Variants in COL12A1 observed in about 807,000 individuals in gnomAD.
The protein encoded by COL12A1 is collagen alpha-1(XII) chain.
COL12A1 carries 114 observed loss-of-function variants against 349.7 expected under a neutral mutation model. The observed-to-expected ratio is 0.33, with a 90% CI of 0.28 to 0.38. The LOEUF (loss-of-function observed/expected upper bound fraction) is 0.38. Among genes scored for constraint, COL12A1 ranks in the 10% least tolerant of loss-of-function variants. The pLI is 1.00. For synonymous variants in COL12A1, 1,369 were observed against 1,329.0 expected, an observed-to-expected ratio of 1.03 and a Z score of -0.66; for missense variants, 3,284 against 3,756.9, an observed-to-expected ratio of 0.87 and a Z score of 3.29.
In COL12A1 at chr6:75,119,499, G is replaced by A. The variant is rs747303821; in HGVS notation, c.7087-26C>T. ...CTGAAGGAAAATGTGATTTGGCAGT[G>A]AGCATAAGTCATCTCATTTTATGTT... On this transcript the variant is annotated intron_variant, in intron 44 of 65. Transcript: ENST00000322507. The A allele has an allele frequency of 5.7e-6, 9 of 1,588,462 alleles. No individual in the cohort carries two copies. The South Asian group carries it at 1.0e-4, about 18-fold the overall frequency.
chr6:75,124,101 A>G lies in COL12A1; in HGVS notation c.6725-7T>C, dbSNP rs1175781021. The G allele has an allele frequency of 1.2e-6, 2 of 1,611,082 alleles. No individual in the cohort carries two copies. The highest frequency in any genetic ancestry group is 3.3e-5 in the Admixed American group (2 of 59,844). On this transcript the variant is annotated splice_region_variant and splice_polypyrimidine_tract_variant and intron_variant, in intron 41 of 65. Coordinates refer to ENST00000322507, the MANE Select transcript of COL12A1 (RefSeq NM_004370.6). The stretch of plus-strand genomic sequence containing the variant: ...ATTTCTTGTCCCCTTGTTCCTGATT[A>G]TGACAACAAAGGAAAATGCCAGTGT...
At chr6:75,197,727 A>C (rs1033572125) in intron 2 of COL12A1, among the ~76,000 whole-genome samples, 1 of 152,226 alleles carries the variant, frequency 6.6e-6, no homozygotes, top group Non-Finnish European at 1.5e-5. Flanking sequence ...AATAAATAAC[A>C]ATCTTACATA....
chr6:75,189,637 T>G lies in COL12A1; in HGVS notation c.573A>C (p.Glu191Asp), dbSNP rs773884777. The G allele has an allele frequency of 6.2e-7, 1 of 1,613,354 alleles. No homozygotes were observed. The highest frequency in any genetic ancestry group is 8.5e-7 in the Non-Finnish European group (1 of 1,179,452). The change falls in exon 6 of 66, where the codon GAA (glutamate) becomes GAC (aspartate). Residue 191 changes from glutamate (E) to aspartate (D), a missense_variant. Coordinates refer to ENST00000322507, the MANE Select transcript of COL12A1 (RefSeq NM_004370.6). Reference protein sequence around the residue: ...VVQYSSDTRTEFNLNQYYQRD... With the variant: ...VVQYSSDTRTDFNLNQYYQRD... ...TTTGGTAGTACTGATTTAAGTTAAA[T>G]TCAGTCCTGGTATCAGAGCTGTATT...
At chr6:75,189,096 T>C (rs762931840) in intron 7 of COL12A1, 121 bp downstream of exon 7, 419 of 1,093,362 alleles carry the variant, frequency 3.8e-4, no homozygotes, top group Middle Eastern at 9.6e-4. Context: ...TATTACACTA[T>C]AAAAATGCAG....
At chr6:75,197,023 T>G (rs1396072512) in intron 2 of COL12A1, among the ~76,000 whole-genome samples, 1 of 152,302 alleles carries the variant, frequency 6.6e-6, no homozygotes, top group East Asian at 1.9e-4. Flanking sequence ...CCAACCCGCA[T>G]GGGTACAACA....
intron 38 of COL12A1, 32 bp from the exon 39 acceptor site, chr6:75,126,502 C>A: frequency 6.3e-7 from 1 of 1,594,464 alleles, no homozygotes; most frequent in South Asian, 1.1e-5. Context: ...CATTACTGAC[C>A]TTTTATTGGC....
At chr6:75,100,093 C>T (rs1179036958) in intron 58 of COL12A1, among the ~76,000 whole-genome samples, 1 of 152,218 alleles carries the variant, frequency 6.6e-6, no homozygotes, top group Non-Finnish European at 1.5e-5. Context: ...AAAGGGAGAA[C>T]AGTTTCCTGA....
At chr6:75,130,798 G>A (rs1766262060) in intron 36 of COL12A1, 54 bp downstream of exon 36, 2 of 1,605,362 alleles carry the variant, frequency 1.2e-6, no homozygotes, top group Admixed American at 3.4e-5. Context: ...AATCAGAGAA[G>A]CCCTGCCAAT....
At chr6:75,106,601 G>T in intron 52 of COL12A1, 105 bp from the exon 53 acceptor site, 7 of 930,438 alleles carry the variant, frequency 7.5e-6, no homozygotes, top group Non-Finnish European at 1.2e-5. Context: ...ACTCTCTCAA[G>T]GGTGTGAGCC....
chr6:75,165,742 G>C lies in COL12A1; in HGVS notation c.2748C>G (p.Ile916Met). 4 of 1,613,902 alleles carry C rather than the reference G, an allele frequency of 2.5e-6. No homozygotes were observed. Among genetic ancestry groups the C allele is most frequent in the Non-Finnish European group, 3.4e-6 (4 of 1,179,868 alleles). ...GSPQDLVTKD[I>M]TDTSIGAYWT... is the part of the protein sequence containing the mutation. Reference sequence around the variant, plus strand: ...AATAAGCCCCAATTGATGTGTCAGTGATGTCTTTAGTAACTAAATCTTGAG... The same window carrying C: ...AATAAGCCCCAATTGATGTGTCAGTCATGTCTTTAGTAACTAAATCTTGAG... The change falls in exon 14 of 66, where the codon ATC becomes ATG. Residue 916 changes from isoleucine to methionine, a missense_variant. Transcript: ENST00000322507.
At chr6:75,114,626 A>G (rs1486430017) in intron 49 of COL12A1, among the ~76,000 whole-genome samples, 1 of 152,102 alleles carries the variant, frequency 6.6e-6, no homozygotes, top group Non-Finnish European at 1.5e-5. Context: ...GATAGAGGAC[A>G]CAAAGCTTTC....
chr6:75,144,864 G>A lies in COL12A1; in HGVS notation c.4690+462C>T, dbSNP rs904782410. Among the ~76,000 whole-genome samples, 11 of 152,182 alleles carry A rather than the reference G, an allele frequency of 7.2e-5. No homozygotes were observed. In the South Asian group the frequency reaches 8.3e-4, roughly 11 times the overall value. The stretch of plus-strand genomic sequence containing the variant: ...TTAACTGAAACAGACTTAATCATAT[G>A]TGCCACAGAGTTTCTACATCAACAA... On this transcript the variant is annotated intron_variant, in intron 25 of 65. Coordinates refer to ENST00000322507, the MANE Select transcript of COL12A1 (RefSeq NM_004370.6).
intron 35 of COL12A1, among the ~76,000 whole-genome samples, chr6:75,131,368 T>C (rs1766294478): frequency 6.6e-6 from 1 of 152,238 alleles, no homozygotes; most frequent in Non-Finnish European, 1.5e-5. Flanking sequence ...ATACAATACA[T>C]ACAGGTAAAG....
In COL12A1 at chr6:75,174,363, T is replaced by C. The variant is rs570707853; in HGVS notation, c.2710+675A>G. ...CGAGGTCAGGAGATCGAGATCATCCTGGCTAACATGGTGAAACCCCGTCCC... is the reference window on the plus strand; with the variant it reads ...CGAGGTCAGGAGATCGAGATCATCCCGGCTAACATGGTGAAACCCCGTCCC... On this transcript the variant is annotated intron_variant, in intron 13 of 65. Coordinates refer to ENST00000322507, the MANE Select transcript of COL12A1 (RefSeq NM_004370.6). 2.6e-3 allele frequency among the ~76,000 whole-genome samples: 391 copies of C among 152,216 alleles called. 2 individuals are homozygous for C. The highest frequency in any genetic ancestry group is 6.8e-3 in the Middle Eastern group (2 of 294).
rs186539659 is a variant in COL12A1 at position 75,202,361 on chromosome 6, C to A, written c.73+359G>T. On this transcript the variant is annotated intron_variant, in intron 2 of 65. Transcript: ENST00000322507. ...GCCCGCTCTTCGGGGCTCCTGGGTG[C>A]CACCCGGAGGTGTCCTGTTGGTTGC... Among the ~76,000 whole-genome samples, 118 of 152,340 alleles carry A rather than the reference C, an allele frequency of 7.7e-4. 2 individuals carry two copies. Among genetic ancestry groups the A allele is most frequent in the African/African-American group, 2.6e-3 (107 of 41,582 alleles).
intron 16 of COL12A1, among the ~76,000 whole-genome samples, chr6:75,155,116 G>A (rs2149422211): frequency 6.6e-6 from 1 of 152,294 alleles, no homozygotes; most frequent in South Asian, 2.1e-4. Context: ...GTAGGGTGCT[G>A]TTCAAACTGA....
At chr6:75,188,918 T>A (rs190544505) in intron 7 of COL12A1, among the ~76,000 whole-genome samples, 1 of 152,198 alleles carries the variant, frequency 6.6e-6, no homozygotes, top group Admixed American at 6.5e-5. Context: ...AAACACTTAA[T>A]GATAATACAA....
chr6:75,091,364 A>C lies in COL12A1; in HGVS notation c.8711T>G (p.Met2904Arg). The change falls in exon 62 of 66, where the codon ATG becomes AGG. Residue 2904 changes from methionine to arginine, a missense_variant. This residue lies in a region of COL12A1 where 683 missense variants were observed against 932.1 expected (regional missense o/e 0.73). Coordinates refer to ENST00000322507, the MANE Select transcript of COL12A1 (RefSeq NM_004370.6). Reference protein sequence around the residue: ...DRGDIASQNMMRAVARQVCEQ... With the variant: ...DRGDIASQNMRRAVARQVCEQ... ...ACAGACTTGTCTTGCAACTGCTCGC[A>C]TCATGTTCTGGGAAGCAATGTCTCC... 1 of 1,613,864 alleles carries C rather than the reference A, an allele frequency of 6.2e-7. No homozygotes were observed. The highest frequency in any genetic ancestry group is 8.5e-7 in the Non-Finnish European group (1 of 1,179,940).
At chr6:75,113,527 G>T (rs943660801) in intron 50 of COL12A1, 75 bp downstream of exon 50, 1 of 1,416,296 alleles carries the variant, frequency 7.1e-7, no homozygotes, top group East Asian at 2.4e-5. Flanking sequence ...TCTATATTCA[G>T]AAAGTTTTTT....
Sources: allele counts gnomAD v4.1 joint callset (sites outside exome capture counted in the v4.1 genomes callset), GRCh38; gene constraint gnomAD v4.1.1; regional missense constraint gnomAD v4.1.1; transcripts MANE v1.5; gene names NCBI Gene and HGNC (gene_info 2026-07-23, HGNC 2026-07-21).